The following FAM178B variants were observed in gnomAD, a reference collection of about 807,000 sequenced individuals.
The protein encoded by FAM178B is family with sequence similarity 178 member B.
In FAM178B, 82 loss-of-function variants were observed where a neutral mutation model predicts 91.7. That is an observed-to-expected ratio of 0.89 (90% CI 0.75 to 1.07). The LOEUF is 1.07. Among genes scored for constraint, FAM178B ranks in the 50% least tolerant of loss-of-function variants. FAM178B has a pLI of 0.00. For synonymous variants in FAM178B, 368 were observed against 359.4 expected (o/e 1.02, Z -0.27); for missense variants, 769 against 846.7 (o/e 0.91, Z 1.14).
At chr2:96,876,411 G>T in intron 16 of FAM178B, 103 bp from the exon 17 acceptor site, 1 of 1,430,902 alleles carries the variant, frequency 7.0e-7, no homozygotes, top group Non-Finnish European at 9.5e-7. Flanking sequence ...CCCATCGCAG[G>T]CTCATGCCAG....
intron 13 of FAM178B, among the ~76,000 whole-genome samples, chr2:96,902,230 C>T (rs1252842979): frequency 2.6e-5 from 4 of 152,062 alleles, no homozygotes; most frequent in Admixed American, 6.6e-5. Flanking sequence ...CTCAGCCTCC[C>T]GAGTAGCTGG....
At chr2:96,933,576 C>G (rs1043252179) in intron 8 of FAM178B, among the ~76,000 whole-genome samples, 17 of 152,216 alleles carry the variant, frequency 1.1e-4, no homozygotes, top group African/African-American at 4.1e-4. Context: ...GCTCCTGCCC[C>G]CCTTCTGGGC....
chr2:96,894,002 C>T lies in FAM178B; in HGVS notation c.1700G>A (p.Arg567Lys). 1 of 1,612,700 alleles carries T rather than the reference C, an allele frequency of 6.2e-7. No homozygotes were observed. The highest frequency in any genetic ancestry group is 8.5e-7 in the Non-Finnish European group (1 of 1,179,604). Reference sequence around the variant, plus strand: ...CAAGGGCACAGAGTCCAGGTATTGCCTGAGAGATGATGGCCTCATGAGGCC... The same window carrying T: ...CAAGGGCACAGAGTCCAGGTATTGCTTGAGAGATGATGGCCTCATGAGGCC... Reference protein sequence around the residue: ...LLGLMRPSSLRQYLDSVPLPP... With the variant: ...LLGLMRPSSLKQYLDSVPLPP... The change falls in exon 14 of 17, where the codon AGG becomes AAG. Residue 567 changes from arginine (R) to lysine (K), a missense_variant. By Grantham distance (26) the Arg-to-Lys change is conservative (BLOSUM62 2). Transcript: ENST00000490605.
intron 8 of FAM178B, among the ~76,000 whole-genome samples, chr2:96,930,064 A>C (rs781251880): frequency 7.9e-5 from 12 of 152,134 alleles, no homozygotes; most frequent in Non-Finnish European, 1.5e-4. Context: ...AAAATACAAA[A>C]GAAAGTAGCC....
chr2:96,887,589 G>C (rs2080559592), intron 14 of FAM178B, among the ~76,000 whole-genome samples: 2 of 152,234 alleles, frequency 1.3e-5, no homozygotes, highest in Admixed American at 6.5e-5. Flanking sequence ...GCGTTTCTGG[G>C]AGAGCATCAC....
intron 14 of FAM178B, among the ~76,000 whole-genome samples, chr2:96,879,425 C>T (rs570199782): frequency 6.6e-5 from 10 of 152,300 alleles, no homozygotes; most frequent in South Asian, 6.2e-4. Context: ...CCTCATCACC[C>T]GGCCCTCCCA....
At chr2:96,893,370 T>G (rs1397284925) in intron 14 of FAM178B, among the ~76,000 whole-genome samples, 1 of 151,878 alleles carries the variant, frequency 6.6e-6, no homozygotes, top group Non-Finnish European at 1.5e-5. Context: ...GGGCACCTTG[T>G]TGCTCCTGAC....
intron 12 of FAM178B, among the ~76,000 whole-genome samples, chr2:96,919,509 G>A (rs1343339513): frequency 6.6e-6 from 1 of 152,222 alleles, no homozygotes; most frequent in East Asian, 1.9e-4. Flanking sequence ...GGCTGTCACG[G>A]AGTTGGATTT....
At position 96,921,152 on chromosome 2, in the gene FAM178B, G is replaced by T; in HGVS notation, c.1562+13C>A. The T allele has an allele frequency of 1.3e-6, 2 of 1,548,536 alleles. No individual in the cohort carries two copies. The highest frequency in any genetic ancestry group is 2.4e-5 in the South Asian group (2 of 83,948). On this transcript the variant is annotated intron_variant, in intron 12 of 16. Transcript: ENST00000490605. ...GTGTGAGAGGGAGGAGGCAGCGGGG[G>T]AGCAGCACGCACCTGCTCCGGGAGG...
At chr2:96,961,795 AGGTACGGCCCTGACCCACATCACAGGGT>A (rs1170657109) in intron 5 of FAM178B, among the ~76,000 whole-genome samples, 1 of 152,124 alleles carries the variant, frequency 6.6e-6, no homozygotes, top group Non-Finnish European at 1.5e-5. Context: ...AAGTGACCCA[AGGTACGGCCCTGACCCACATCACAGGGT>A]GGTCCTGAGA....
intron 9 of FAM178B, among the ~76,000 whole-genome samples, chr2:96,928,672 G>C (rs1029970173): frequency 6.6e-6 from 1 of 152,202 alleles, no homozygotes; most frequent in African/African-American, 2.4e-5. Flanking sequence ...GGGCAGCGGG[G>C]GCTGAGTCAG....
Position 96,878,017 on chromosome 2 carries a change from T to G in FAM178B, c.1880A>C (p.Gln627Pro). The change falls in exon 16 of 17, where the codon CAG (glutamine) becomes CCG (proline). Residue 627 changes from glutamine (Q) to proline (P), a missense_variant. Physicochemically the swap from Gln to Pro is moderately conservative, Grantham distance 76. Coordinates refer to ENST00000490605, the MANE Select transcript of FAM178B (RefSeq NM_001122646.3). ...CTGCGTGCTGATGTGGCGGTCCAAC[T>G]GCATGCACAGCAGCTGCAGCTCGCC... ...QWGELQLLCM[Q>P]LDRHISTQIR... The G allele has an allele frequency of 6.2e-7, 1 of 1,611,634 alleles. No individual in the cohort carries two copies. The highest frequency in any genetic ancestry group is 1.3e-5 in the African/African-American group (1 of 75,044).
intron 9 of FAM178B, among the ~76,000 whole-genome samples, chr2:96,926,860 G>A (rs1173881760): frequency 2.0e-5 from 3 of 152,248 alleles, no homozygotes; most frequent in African/African-American, 7.2e-5. Flanking sequence ...GTGGGGACAT[G>A]CACAGATGTC....
At chr2:96,885,845 C>T (rs765801011) in intron 14 of FAM178B, among the ~76,000 whole-genome samples, 4 of 152,172 alleles carry the variant, frequency 2.6e-5, no homozygotes, top group South Asian at 2.1e-4. Flanking sequence ...ACAAGATTCT[C>T]GGTGCCTATG....
intron 1 of FAM178B, among the ~76,000 whole-genome samples, chr2:96,975,696 AC>A (rs1343528923): frequency 1.8e-4 from 28 of 152,152 alleles, no homozygotes; most frequent in Non-Finnish European, 3.1e-4. Context: ...CAATTAATAA[AC>A]CCCTTTATCT....
Position 96,927,389 on chromosome 2 carries a change from T to G in FAM178B, c.1193+1817A>C, listed in dbSNP as rs192382343. Among the ~76,000 whole-genome samples, 1,159 of 152,310 alleles carry G rather than the reference T, an allele frequency of 7.6e-3. 18 individuals carry two copies. The highest frequency in any genetic ancestry group is 0.027 in the African/African-American group (1,109 of 41,562). ...TCAGCCAGGTCCTCGAGGGTAGTTC[T>G]GAATCCTCTGATGGGAAATGGTGTC... On this transcript the variant is annotated intron_variant, in intron 9 of 16. Transcript: ENST00000490605.
chr2:96,942,609 A>G (rs1044787164), intron 8 of FAM178B, among the ~76,000 whole-genome samples: 4 of 152,056 alleles, frequency 2.6e-5, no homozygotes, highest in African/African-American at 9.7e-5. Context: ...GTTAGCCAGG[A>G]TGGTCTTGAT....
intron 14 of FAM178B, 108 bp from the exon 15 acceptor site, chr2:96,878,601 G>A: frequency 1.0e-6 from 1 of 995,436 alleles, no homozygotes; most frequent in Non-Finnish European, 1.5e-6. Flanking sequence ...GCCAGGCAGG[G>A]GCTCAGTCAC....
Position 96,929,296 on chromosome 2 carries a change from G to C in FAM178B, c.1103C>G (p.Pro368Arg), listed in dbSNP as rs1327438564. Reference protein sequence around the residue: ...QPDEDKHLWCPSLQEVREAFH... With the variant: ...QPDEDKHLWCRSLQEVREAFH... ...TGCCTCCCTGACTTCTTGCAGTGAG[G>C]GGCACCACAGGTGCTTGTCTTCATC... The change falls in exon 9 of 17, where the codon CCC becomes CGC. Residue 368 changes from proline to arginine, a missense_variant. By Grantham distance (103) the Pro-to-Arg change is moderately radical. Coordinates refer to ENST00000490605, the MANE Select transcript of FAM178B (RefSeq NM_001122646.3). The C allele has an allele frequency of 6.4e-7, 1 of 1,551,464 alleles. No homozygotes were observed. The highest frequency in any genetic ancestry group is 1.2e-5 in the South Asian group (1 of 84,052).
Sources: allele counts gnomAD v4.1 joint callset (sites outside exome capture counted in the v4.1 genomes callset), GRCh38; gene constraint gnomAD v4.1.1; transcripts MANE v1.5; gene names NCBI Gene and HGNC (gene_info 2026-07-23, HGNC 2026-07-21).